The following FABP6 variants were observed in gnomAD, a reference collection of about 807,000 sequenced individuals.
FABP6 encodes the protein gastrotropin.
In FABP6, 13 loss-of-function variants were observed where a neutral mutation model predicts 14.9. That is an observed-to-expected ratio of 0.87 (90% CI 0.57 to 1.39). The LOEUF (loss-of-function observed/expected upper bound fraction) is 1.39. FABP6 is among the 40% of genes most tolerant of loss of function. FABP6 has a pLI of 0.00. For missense variants in FABP6, 161 were observed against 167.2 expected (o/e 0.96, Z 0.20); for synonymous variants, 75 against 63.6 (o/e 1.18, Z -0.85).
intron 3 of FABP6, among the ~76,000 whole-genome samples, 175 bp downstream of exon 3, chr5:160,235,084 A>G (rs536875931): frequency 6.6e-6 from 1 of 152,304 alleles, no homozygotes; most frequent in East Asian, 1.9e-4. Context: ...TAACCCTGTT[A>G]GGTGGGGATT....
At chr5:160,217,371 C>T (rs565290097) in intron 3 of FABP6, among the ~76,000 whole-genome samples, 1 of 152,188 alleles carries the variant, frequency 6.6e-6, no homozygotes, top group Non-Finnish European at 1.5e-5. Context: ...ATGAAATCAC[C>T]AAGGGAATGA....
chr5:160,234,313 T>A (rs1760457300), intron 2 of FABP6, among the ~76,000 whole-genome samples: 1 of 150,252 alleles, frequency 6.7e-6, no homozygotes, highest in African/African-American at 2.5e-5. Context: ...TGCAGTCAGC[T>A]CCTCTCTTGC....
chr5:160,213,994 A>G (rs1228139472), intron 3 of FABP6, among the ~76,000 whole-genome samples: 1 of 152,208 alleles, frequency 6.6e-6, no homozygotes, highest in Non-Finnish European at 1.5e-5. Flanking sequence ...AAAAAGGTCA[A>G]ATATCAGCAG....
intron 3 of FABP6, among the ~76,000 whole-genome samples, chr5:160,237,892 G>T (rs1026655960): frequency 2.0e-5 from 3 of 152,020 alleles, no homozygotes; most frequent in African/African-American, 7.3e-5. Context: ...TCAGGATTCT[G>T]TCCAACAGCC....
intron 1 of FABP6, among the ~76,000 whole-genome samples, chr5:160,189,316 A>G (rs930835149): frequency 1.3e-5 from 2 of 152,004 alleles, no homozygotes; most frequent in Non-Finnish European, 2.9e-5. Context: ...ATATCGGTTC[A>G]CTGCAACCTC....
At chr5:160,207,134 A>T (rs1056261632) in intron 2 of FABP6, among the ~76,000 whole-genome samples, 12 of 152,250 alleles carry the variant, frequency 7.9e-5, no homozygotes, top group African/African-American at 2.7e-4. Context: ...CAGTGAGTTT[A>T]GGGGATTCCA....
At chr5:160,188,984 T>C (rs1759345230) in intron 1 of FABP6, among the ~76,000 whole-genome samples, 1 of 152,174 alleles carries the variant, frequency 6.6e-6, no homozygotes, top group Non-Finnish European at 1.5e-5. Context: ...TTTTTTGTTT[T>C]TCTTTATTTT....
At chr5:160,227,525 C>CAA (rs10645896), upstream of FABP6, among the ~76,000 whole-genome samples, 1,330 of 99,470 alleles carry the variant, frequency 0.013, 49 homozygotes, top group African/African-American at 0.038. Flanking sequence ...GACTTCACTT[C>CAA]AAAAAAAAAA....
chr5:160,194,849 C>T (rs13160904), intron 1 of FABP6, among the ~76,000 whole-genome samples: 34,251 of 152,172 alleles, frequency 0.23, 3,901 homozygotes, highest in South Asian at 0.25. Flanking sequence ...CCTGCCCACC[C>T]CATCAGTCTA....
At chr5:160,229,128 C>T (rs959850532), upstream of FABP6, among the ~76,000 whole-genome samples, 2 of 152,176 alleles carry the variant, frequency 1.3e-5, no homozygotes, top group African/African-American at 2.4e-5. Context: ...GTGTGTGTCT[C>T]GTTCATCTGT....
intron 2 of FABP6, among the ~76,000 whole-genome samples, chr5:160,211,207 T>C (rs1165667285): frequency 6.6e-6 from 1 of 152,106 alleles, no homozygotes; most frequent in Non-Finnish European, 1.5e-5. Flanking sequence ...CTTCTGTCAG[T>C]GTACTTCTGT....
chr5:160,206,663 C>T (rs1759774346), intron 2 of FABP6, among the ~76,000 whole-genome samples: 1 of 152,108 alleles, frequency 6.6e-6, no homozygotes, highest in South Asian at 2.1e-4. Context: ...TCGATGGCAA[C>T]ATTATTTTTT....
At chr5:160,203,456 G>T (rs1759689638) in intron 2 of FABP6, among the ~76,000 whole-genome samples, 1 of 152,280 alleles carries the variant, frequency 6.6e-6, no homozygotes, top group Non-Finnish European at 1.5e-5. Context: ...GGTTTGGCCT[G>T]ATTTGTTAGG....
At chr5:160,206,140 A>T (rs1025427027) in intron 2 of FABP6, among the ~76,000 whole-genome samples, 1 of 152,172 alleles carries the variant, frequency 6.6e-6, no homozygotes, top group African/African-American at 2.4e-5. Flanking sequence ...ACATGTATGT[A>T]TAATAAAAGC....
intron 2 of FABP6, among the ~76,000 whole-genome samples, chr5:160,233,426 A>C (rs1327929780): frequency 1.3e-5 from 2 of 152,118 alleles, no homozygotes; most frequent in Non-Finnish European, 2.9e-5. Context: ...CCTGAGCCTC[A>C]TATCTCTAGT....
intron 3 of FABP6, among the ~76,000 whole-genome samples, chr5:160,214,152 T>C (rs6860564): frequency 6.2e-5 from 8 of 128,928 alleles, no homozygotes; most frequent in Admixed American, 1.6e-4. Context: ...TCTTTCTTTC[T>C]TTCTTTCCTT....
intron 2 of FABP6, among the ~76,000 whole-genome samples, chr5:160,210,666 G>C (rs892966032): frequency 4.6e-5 from 7 of 152,178 alleles, no homozygotes; most frequent in African/African-American, 1.7e-4. Flanking sequence ...AGAAAACACA[G>C]GAGCAGCCAC....
chr5:160,238,565 G>C, intron 3 of FABP6, 41 bp from the exon 4 acceptor site: 1 of 1,594,046 alleles, frequency 6.3e-7, no homozygotes, highest in East Asian at 2.2e-5. Context: ...GCTACCTTGG[G>C]GTGGGGCACT....
chr5:160,189,550 T>A (rs993195621), intron 1 of FABP6, among the ~76,000 whole-genome samples: 1 of 152,110 alleles, frequency 6.6e-6, no homozygotes, highest in Non-Finnish European at 1.5e-5. Flanking sequence ...GCCAAGAAAT[T>A]GTATTCTTCT....
Sources: allele counts gnomAD v4.1 joint callset (sites outside exome capture counted in the v4.1 genomes callset), GRCh38; gene constraint gnomAD v4.1.1; transcripts MANE v1.5; gene names NCBI Gene and HGNC (gene_info 2026-07-23, HGNC 2026-07-21).